ABHD6: variants seen among roughly 807,000 people sequenced by gnomAD.
The protein encoded by ABHD6 is abhydrolase domain containing 6, acylglycerol lipase.
ABHD6 carries 33 observed loss-of-function variants against 38.8 expected under a neutral mutation model. That is an observed-to-expected ratio of 0.85 (90% CI 0.64 to 1.14). ABHD6 has a LOEUF of 1.14. ABHD6 is among the 50% of genes most tolerant of loss of function. The probability of loss-of-function intolerance (pLI) is 0.00; values close to 1 mark genes in which losing one functional copy is unlikely to be tolerated. For synonymous variants in ABHD6, 147 were observed against 161.6 expected (o/e 0.91, Z 0.69); for missense variants, 380 against 422.6 (o/e 0.90, Z 0.88).
rs2097440031 is a variant in ABHD6, at chr3:58,265,110, T to C, written c.120-2079T>C. 2.0e-5 allele frequency among the ~76,000 whole-genome samples: 3 copies of C among 152,180 alleles called. No individual in the cohort carries two copies. The highest frequency in any genetic ancestry group is 6.5e-5 in the Admixed American group (1 of 15,276). On this transcript the variant is annotated intron_variant, in intron 3 of 9. Coordinates refer to ENST00000478253, the MANE Select transcript of ABHD6 (RefSeq NM_001320126.2). The surrounding 1 kb of genome is among the most constrained non-coding windows in gnomAD (Gnocchi z 4.2). ...TATCTATGCCCATGAGTTGCATTGTTTTGATTTTTAGATCCCATAAATAAG... is the reference window on the plus strand; with the variant it reads ...TATCTATGCCCATGAGTTGCATTGTCTTGATTTTTAGATCCCATAAATAAG...
intron 2 of ABHD6, among the ~76,000 whole-genome samples, chr3:58,252,010 TTGAA>T (rs1054252819): frequency 6.5e-4 from 99 of 152,192 alleles, no homozygotes; most frequent in Non-Finnish European, 2.9e-4. Context: ...ACATGACTAT[TTGAA>T]TGTTCTCATT....
Position 58,293,747 on chromosome 3 carries a change from C to A in ABHD6, c.996C>A (p.Asn332Lys). 6.2e-7 allele frequency: 1 copy of A among 1,614,170 alleles called. No individual in the cohort carries two copies. The highest frequency in any genetic ancestry group is 8.5e-7 in the Non-Finnish European group (1 of 1,180,014). Reference protein sequence around the residue: ...DFLASVHNTDNNKKLD With the variant: ...DFLASVHNTDKNKKLD The stretch of plus-strand genomic sequence containing the variant: ...TAGCTTCTGTGCACAACACAGACAA[C>A]AACAAGAAGCTGGACTGAGGCCCCG... The change falls in exon 10 of 10, where the codon AAC (asparagine) becomes AAA (lysine). Residue 332 changes from asparagine (N) to lysine (K), a missense_variant. By Grantham distance (94) the Asn-to-Lys change is moderately conservative. Transcript: ENST00000478253. The surrounding 1 kb of genome is among the most constrained non-coding windows in gnomAD (Gnocchi z 4.4).
At position 58,285,303 on chromosome 3, in the gene ABHD6, C is replaced by A. The variant is rs1035601402; in HGVS notation, c.737-50C>A. 1.9e-6 allele frequency: 3 copies of A among 1,587,624 alleles called. No homozygotes were observed. Among genetic ancestry groups the A allele is most frequent in the Non-Finnish European group, 2.6e-6 (3 of 1,156,208 alleles). On this transcript the variant is annotated intron_variant, in intron 8 of 9. Coordinates refer to ENST00000478253, the MANE Select transcript of ABHD6 (RefSeq NM_001320126.2). The surrounding 1 kb of genome is among the most constrained non-coding windows in gnomAD (Gnocchi z 4.9). ...ACTATCCCTTGATTCTGCGGTGGTG[C>A]CACAGGCACAGTCCAGCACATACTC...
In ABHD6 at chr3:58,269,439, G is replaced by A; in HGVS notation, c.390+5G>A. The A allele has an allele frequency of 6.2e-7, 1 of 1,608,556 alleles. No individual in the cohort carries two copies. Among genetic ancestry groups the A allele is most frequent in the Non-Finnish European group, 8.5e-7 (1 of 1,175,452 alleles). On this transcript the variant is annotated splice_donor_5th_base_variant and intron_variant, in intron 5 of 9. Transcript: ENST00000478253. This position sits in a 1 kb window ranked among gnomAD's most constrained non-coding sequence, Gnocchi z 4.4. ...CAAGTTAAGAGGATACACCAGGTAA[G>A]CAGGAGGCTCTACCAAAGATTGCCC...
chr3:58,287,161 G>C lies in ABHD6; in HGVS notation c.837+1708G>C, dbSNP rs1487975819. 1.3e-5 allele frequency among the ~76,000 whole-genome samples: 2 copies of C among 151,898 alleles called. No individual in the cohort carries two copies. The highest frequency in any genetic ancestry group is 1.5e-5 in the Non-Finnish European group (1 of 67,986). ...TAGCCAAGCATGGTGGTATGCATCT[G>C]TAGTCCCAGCTACTCTGGAGGGTGA... On this transcript the variant is annotated intron_variant, in intron 9 of 9. Transcript: ENST00000478253. This position sits in a 1 kb window ranked among gnomAD's most constrained non-coding sequence, Gnocchi z 4.7.
chr3:58,284,994 G>A (rs2097455906), intron 7 of ABHD6, 91 bp from the exon 8 acceptor site: 8 of 1,213,392 alleles, frequency 6.6e-6, no homozygotes. Context: ...TAAATTGCTG[G>A]ACCTCATTCC....
chr3:58,271,208 A>G, intron 6 of ABHD6, 144 bp downstream of exon 6: 8 of 875,014 alleles, frequency 9.1e-6, no homozygotes, highest in Non-Finnish European at 1.3e-5. Flanking sequence ...AACTCTAACC[A>G]ACCAATAGTT....
intron 6 of ABHD6, among the ~76,000 whole-genome samples, chr3:58,271,766 G>GTTTTTTTTTTTTTTTTTTTTTTTTTTTTT (rs3038091): frequency 9.4e-5 from 6 of 63,632 alleles, no homozygotes; most frequent in African/African-American, 3.6e-4. Context: ...CCCTCTCTCT[G>GTTTTTTTTTTTTTTTTTTTTTTTTTTTTT]TTTTTTTTTT....
intron 7 of ABHD6, among the ~76,000 whole-genome samples, chr3:58,283,585 A>C (rs2097454861): frequency 6.6e-6 from 1 of 152,234 alleles, no homozygotes; most frequent in Non-Finnish European, 1.5e-5. Context: ...GGGTAGATGC[A>C]GGATAGATTT....
At position 58,257,725 on chromosome 3, in the gene ABHD6, A is replaced by G. The variant is rs59381868; in HGVS notation, c.119+1020A>G. ...GTGCAGCGATGTCACTGAAAAATGA[A>G]CAAGAAAGACCAGAACCATTGAGAT... On this transcript the variant is annotated intron_variant, in intron 3 of 9. Transcript: ENST00000478253. The surrounding 1 kb of genome is among the most constrained non-coding windows in gnomAD (Gnocchi z 4.8). Among the ~76,000 whole-genome samples, 45,314 of 151,964 alleles carry G rather than the reference A, an allele frequency of 0.3. 6,962 individuals are homozygous for G. Among genetic ancestry groups the G allele is most frequent in the African/African-American group, 0.37 (15,153 of 41,416 alleles).
intron 9 of ABHD6, among the ~76,000 whole-genome samples, chr3:58,289,823 C>T (rs1369681313): frequency 1.3e-5 from 2 of 150,592 alleles, no homozygotes; most frequent in African/African-American, 2.5e-5. Flanking sequence ...CAGGCAGAGG[C>T]GCCCCTCACC....
At chr3:58,240,262 A>G (rs1412984380) in intron 1 of ABHD6, among the ~76,000 whole-genome samples, 1 of 151,870 alleles carries the variant, frequency 6.6e-6, no homozygotes, top group Non-Finnish European at 1.5e-5. Flanking sequence ...TTTTTTAGAG[A>G]TGAAGTCTCA....
chr3:58,278,950 A>G (rs991443134), intron 7 of ABHD6, among the ~76,000 whole-genome samples: 19 of 152,212 alleles, frequency 1.2e-4, no homozygotes, highest in Non-Finnish European at 2.2e-4. Context: ...ATTTGATCGC[A>G]CTGTGGTCTG....
In ABHD6 at chr3:58,267,700, A is replaced by T. The variant is rs528992465; in HGVS notation, c.276+355A>T. On this transcript the variant is annotated intron_variant, in intron 4 of 9. Transcript: ENST00000478253. The surrounding 1 kb of genome is among the most constrained non-coding windows in gnomAD (Gnocchi z 4.3). ...AAATAAAAAAAGGAAGAAGAAGAAA[A>T]GGGTTTCCACTAGGACATGATGTCA... Among the ~76,000 whole-genome samples, 4 of 152,146 alleles carry T rather than the reference A, an allele frequency of 2.6e-5. No homozygotes were observed. In the South Asian group the frequency reaches 8.3e-4, roughly 32 times the overall value.
Position 58,293,917 on chromosome 3 carries a change from C to T in ABHD6, c.*152C>T, listed in dbSNP as rs1288705808. On this transcript the variant is annotated 3_prime_UTR_variant, in exon 10 of 10. Coordinates refer to ENST00000478253, the MANE Select transcript of ABHD6 (RefSeq NM_001320126.2). The surrounding 1 kb of genome is among the most constrained non-coding windows in gnomAD (Gnocchi z 4.4). Reference sequence around the variant, plus strand: ...TCCCTTATCCCTGGTATCCACGGTTCCCCAGAGCTTTGGGGACCACGCGAA... The same window carrying T: ...TCCCTTATCCCTGGTATCCACGGTTTCCCAGAGCTTTGGGGACCACGCGAA... The T allele has an allele frequency of 8.7e-6, 7 of 802,132 alleles. No homozygotes were observed. Among genetic ancestry groups the T allele is most frequent in the Non-Finnish European group, 1.3e-5 (7 of 536,714 alleles). 49.7% of individuals were successfully genotyped at this position (802,132 alleles called of 1,614,324 possible).
At chr3:58,246,300 A>T (rs950317855) in intron 1 of ABHD6, among the ~76,000 whole-genome samples, 2 of 152,164 alleles carry the variant, frequency 1.3e-5, no homozygotes, top group African/African-American at 4.8e-5. Flanking sequence ...CCCCATCCTG[A>T]CAAAAGAGGC....
intron 2 of ABHD6, among the ~76,000 whole-genome samples, chr3:58,252,298 T>C (rs1427111884): frequency 1.6e-5 from 2 of 124,642 alleles, no homozygotes; most frequent in African/African-American, 3.1e-5. Context: ...CACTGAAACC[T>C]CAGCCTCCAG....
intron 9 of ABHD6, among the ~76,000 whole-genome samples, chr3:58,291,250 C>G (rs969313440): frequency 1.1e-4 from 17 of 151,284 alleles, no homozygotes; most frequent in African/African-American, 4.1e-4. Context: ...TGGCAGTGTG[C>G]ACCTGCAATC....
intron 9 of ABHD6, among the ~76,000 whole-genome samples, chr3:58,286,381 C>T (rs2097457012): frequency 6.6e-6 from 1 of 151,930 alleles, no homozygotes; most frequent in African/African-American, 2.4e-5. Context: ...GTCTTGAGCT[C>T]CTGACTTCAA....
Sources: allele counts gnomAD v4.1 joint callset (sites outside exome capture counted in the v4.1 genomes callset), GRCh38; gene constraint gnomAD v4.1.1; non-coding constraint Gnocchi (gnomAD v3.1); transcripts MANE v1.5; gene names NCBI Gene and HGNC (gene_info 2026-07-23, HGNC 2026-07-21).